Variants in RASEF observed in about 807,000 individuals in gnomAD.
The protein encoded by RASEF is ras and EF-hand domain-containing protein.
Under a neutral mutation model 90.1 loss-of-function variants are expected in RASEF, and 68 were observed. The observed-to-expected ratio is 0.75, with a 90% CI of 0.62 to 0.92. The LOEUF (loss-of-function observed/expected upper bound fraction) is 0.92, where lower values mean the gene tolerates loss of function less well. Among genes scored for constraint, RASEF ranks in the 40% least tolerant of loss-of-function variants. The pLI, the probability that RASEF is intolerant of heterozygous loss-of-function variation, is 0.00. For synonymous variants in RASEF, 331 were observed against 345.2 expected (o/e 0.96, Z 0.46); for missense variants, 949 against 937.2 (o/e 1.01, Z -0.16).
chr9:83,200,351 A>G, the RASEF span, among the ~76,000 whole-genome samples: 2 of 152,104 alleles, frequency 1.3e-5, no homozygotes, highest in Non-Finnish European at 2.9e-5. Flanking sequence ...AGCCAAGATC[A>G]TGCCATTGCA....
At chr9:83,218,748 CCTGG>C in the RASEF span, among the ~76,000 whole-genome samples, 1 of 152,214 alleles carries the variant, frequency 6.6e-6, no homozygotes, top group Non-Finnish European at 1.5e-5. Flanking sequence ...CACCTGAGAA[CCTGG>C]CCTCCCACAT....
the RASEF span, among the ~76,000 whole-genome samples, chr9:83,141,502 C>T: frequency 6.6e-6 from 1 of 152,152 alleles, no homozygotes; most frequent in Admixed American, 6.5e-5. Context: ...CTGCAAAGCC[C>T]CTTCCCGAAA....
At chr9:83,032,300 G>A (rs1175223327) in intron 1 of RASEF, among the ~76,000 whole-genome samples, 1 of 152,162 alleles carries the variant, frequency 6.6e-6, no homozygotes, top group African/African-American at 2.4e-5. Context: ...GTGCTGAGAA[G>A]GGTGACAAGT....
the RASEF span, among the ~76,000 whole-genome samples, chr9:83,123,917 T>C: frequency 6.6e-6 from 1 of 152,250 alleles, no homozygotes. Context: ...TCCAGAAGTT[T>C]TCATAATTCC....
chr9:83,015,493 C>T (rs933499055), intron 4 of RASEF, among the ~76,000 whole-genome samples: 4 of 151,992 alleles, frequency 2.6e-5, no homozygotes, highest in African/African-American at 4.8e-5. Flanking sequence ...CCAGCCTGGC[C>T]GACATGGTGA....
At chr9:83,144,376 AAAGAAAGAAAGAAAGGAAAGAAAG>A in the RASEF span, among the ~76,000 whole-genome samples, 42 of 65,696 alleles carry the variant, frequency 6.4e-4, 1 homozygote, top group African/African-American at 3.1e-3. Flanking sequence ...AGAAAGAAAG[AAAGAAAGAAAGAAAGGAAAGAAAG>A]AAAGAAAGAA....
At chr9:83,212,956 C>T in the RASEF span, among the ~76,000 whole-genome samples, 1 of 152,190 alleles carries the variant, frequency 6.6e-6, no homozygotes, top group Non-Finnish European at 1.5e-5. Flanking sequence ...GAGAATGATA[C>T]ATCAGTTACA....
chr9:82,986,006 C>T lies in RASEF; in HGVS notation c.2118-3224G>A, dbSNP rs1053752842. ...CTATGCTTATGGAATTTTAAAAAGA[C>T]GTGAGGGGTTAAAAATACAAAAACT... On this transcript the variant is annotated intron_variant, in intron 16 of 16. Coordinates refer to ENST00000376447, the MANE Select transcript of RASEF (RefSeq NM_152573.4). 3.3e-5 allele frequency among the ~76,000 whole-genome samples: 5 copies of T among 151,888 alleles called. No individual in the cohort carries two copies. The South Asian group carries it at 6.2e-4, about 19-fold the overall frequency.
the RASEF span, among the ~76,000 whole-genome samples, chr9:83,070,603 T>G: frequency 3.3e-5 from 5 of 152,180 alleles, no homozygotes; most frequent in Non-Finnish European, 7.4e-5. Context: ...CAAAGTTGTT[T>G]TGGATATTCC....
At chr9:82,997,510 T>TTGG (rs1554705677) in intron 13 of RASEF, among the ~76,000 whole-genome samples, 1 of 152,068 alleles carries the variant, frequency 6.6e-6, no homozygotes, top group African/African-American at 2.4e-5. Context: ...ATACTTATTT[T>TTGG]TGGTGGTGGT....
At chr9:83,005,834 C>A (rs1280036660) in intron 7 of RASEF, among the ~76,000 whole-genome samples, 1 of 152,172 alleles carries the variant, frequency 6.6e-6, no homozygotes, top group East Asian at 1.9e-4. Flanking sequence ...CTGAACCTGG[C>A]CAGCCAGTTA....
intron 1 of RASEF, among the ~76,000 whole-genome samples, chr9:83,040,541 C>T (rs561795061): frequency 2.2e-4 from 34 of 152,218 alleles, no homozygotes; most frequent in African/African-American, 8.2e-4. Context: ...TAATATACTA[C>T]AGAATCATGA....
the RASEF span, among the ~76,000 whole-genome samples, chr9:83,128,025 C>T: frequency 6.7e-5 from 9 of 134,700 alleles, no homozygotes; most frequent in East Asian, 4.3e-4. Context: ...TTTTTCTTTT[C>T]TTTTTTTTTT....
chr9:82,983,146 CA>C, intron 16 of RASEF, among the ~76,000 whole-genome samples: 1 of 151,494 alleles, frequency 6.6e-6, no homozygotes, highest in Non-Finnish European at 1.5e-5. Flanking sequence ...CACACACACA[CA>C]CACACACACC....
At chr9:83,209,201 G>A in the RASEF span, among the ~76,000 whole-genome samples, 5 of 152,196 alleles carry the variant, frequency 3.3e-5, no homozygotes, top group East Asian at 7.7e-4. Context: ...CAGCCTGAAG[G>A]TCTGATGTTC....
At chr9:83,207,541 C>G in the RASEF span, among the ~76,000 whole-genome samples, 2 of 151,258 alleles carry the variant, frequency 1.3e-5, no homozygotes, top group Non-Finnish European at 1.5e-5. Context: ...TTGAGGGGCC[C>G]GATAACTTTC....
intron 16 of RASEF, among the ~76,000 whole-genome samples, chr9:82,984,690 A>G (rs921574164): frequency 6.6e-6 from 1 of 152,216 alleles, no homozygotes; most frequent in Non-Finnish European, 1.5e-5. Context: ...CAAAATTGTC[A>G]GATAATAAAT....
the RASEF span, among the ~76,000 whole-genome samples, chr9:83,070,275 A>G: frequency 1.3e-5 from 2 of 152,082 alleles, no homozygotes; most frequent in Non-Finnish European, 2.9e-5. Flanking sequence ...CATTGCTTCT[A>G]TGATACATTT....
At chr9:83,172,020 T>A in the RASEF span, among the ~76,000 whole-genome samples, 2 of 151,958 alleles carry the variant, frequency 1.3e-5, no homozygotes. Flanking sequence ...ATTTGAAGTC[T>A]TTCTACTTTT....
Sources: allele counts gnomAD v4.1 joint callset (sites outside exome capture counted in the v4.1 genomes callset), GRCh38; gene constraint gnomAD v4.1.1; transcripts MANE v1.5; gene names NCBI Gene and HGNC (gene_info 2026-07-23, HGNC 2026-07-21).